CACNA1B: variants seen among roughly 807,000 people sequenced by gnomAD.
CACNA1B encodes calcium voltage-gated channel subunit alpha1 B.
In CACNA1B, 70 loss-of-function variants were observed where a neutral mutation model predicts 247.2. The ratio of observed to expected loss-of-function variants is 0.28; its 90% CI spans 0.23 to 0.35. The LOEUF (loss-of-function observed/expected upper bound fraction) is 0.35. Among genes scored for constraint, CACNA1B ranks in the 10% least tolerant of loss-of-function variants. The pLI, the probability that CACNA1B is intolerant of heterozygous loss-of-function variation, is 1.00. For missense variants in CACNA1B, 2,367 were observed against 3,197.4 expected (o/e 0.74, Z 6.26); for synonymous variants, 1,231 against 1,294.4 (o/e 0.95, Z 1.05).
intron 3 of CACNA1B, among the ~76,000 whole-genome samples, chr9:137,886,330 C>G (rs1426137923): frequency 6.6e-6 from 1 of 152,068 alleles, no homozygotes; most frequent in Non-Finnish European, 1.5e-5. Context: ...TTAAGGACCT[C>G]AGGCCACGGG....
rs28417558 is a variant in CACNA1B at position 137,952,766 on chromosome 9, T to G, written c.1070+389T>G. The stretch of plus-strand genomic sequence containing the variant: ...GTCTGTATTGGGAGGTTGGTCTGGG[T>G]GGATGGGAGGTGTGGTCTGTGATGG... On this transcript the variant is annotated intron_variant, in intron 7 of 46. Transcript: ENST00000371372. This position sits in a 1 kb window ranked among gnomAD's most constrained non-coding sequence, Gnocchi z 4.8. 0.32 allele frequency among the ~76,000 whole-genome samples: 46,352 copies of G among 144,326 alleles called. 9,619 individuals are homozygous for G. The highest frequency in any genetic ancestry group is 0.65 in the East Asian group (3,154 of 4,850). The allele number at this position is 144,326 out of a possible 152,430, so 94.7% of individuals were successfully genotyped here.
At chr9:138,022,754 G>C (rs1390842016) in intron 18 of CACNA1B, among the ~76,000 whole-genome samples, 1 of 151,506 alleles carries the variant, frequency 6.6e-6, no homozygotes, top group African/African-American at 2.4e-5. Context: ...AGCCCCCCAG[G>C]GTCCTCCTGA....
intron 6 of CACNA1B, among the ~76,000 whole-genome samples, chr9:137,918,243 G>C (rs1008912601): frequency 1.3e-5 from 2 of 151,920 alleles, no homozygotes; most frequent in Admixed American, 6.6e-5. Flanking sequence ...GCTCCCTCAC[G>C]TTGCCTCTGC....
At chr9:138,043,731 A>C (rs3750506) in intron 20 of CACNA1B, 43 bp from the exon 21 acceptor site, 37 of 1,611,138 alleles carry the variant, frequency 2.3e-5, no homozygotes, top group Non-Finnish European at 2.8e-5. Context: ...CGTGGGCTTC[A>C]TGTGCACTAC....
intron 23 of CACNA1B, 68 bp from the exon 24 acceptor site, chr9:138,049,141 C>T (rs1959209618): frequency 9.6e-7 from 1 of 1,046,922 alleles, no homozygotes; most frequent in Admixed American, 1.7e-5. Flanking sequence ...AGGCATGAGC[C>T]TCTGCACCTG....
chr9:138,047,345 C>A, intron 22 of CACNA1B, 54 bp from the exon 23 acceptor site: 2 of 1,393,574 alleles, frequency 1.4e-6, no homozygotes, highest in African/African-American at 1.4e-5. Context: ...ACCGAGGGCA[C>A]CCTGGCTCAG....
Position 137,986,428 on chromosome 9 carries a change from G to T in CACNA1B, c.1785G>T (p.Leu595=). Residue 595 remains leucine (L), a synonymous_variant, in exon 14 of 47, where the codon CTG becomes CTT. Coordinates refer to ENST00000371372, the MANE Select transcript of CACNA1B (RefSeq NM_000718.4). The surrounding 1 kb of genome is among the most constrained non-coding windows in gnomAD (Gnocchi z 6.0). ...IFKVTKYWSS[L]RNLVVSLLNS... ...GGCCCCGCAGGTACTGGAGCTCCCTGCGGAACCTGGTGGTGTCCCTGCTGA... is the reference window on the plus strand; with the variant it reads ...GGCCCCGCAGGTACTGGAGCTCCCTTCGGAACCTGGTGGTGTCCCTGCTGA... 6.2e-7 allele frequency: 1 copy of T among 1,613,892 alleles called. No homozygotes were observed. The highest frequency in any genetic ancestry group is 1.1e-5 in the South Asian group (1 of 91,052).
At chr9:138,063,643 C>T (rs1199369791) in intron 31 of CACNA1B, among the ~76,000 whole-genome samples, 1 of 152,226 alleles carries the variant, frequency 6.6e-6, no homozygotes, top group Non-Finnish European at 1.5e-5. Flanking sequence ...ACCAGGTTGG[C>T]ACCTGTGTGC....
chr9:137,961,072 C>G (rs1235763816), intron 10 of CACNA1B, among the ~76,000 whole-genome samples: 6 of 151,970 alleles, frequency 3.9e-5, no homozygotes, highest in Non-Finnish European at 8.8e-5. Flanking sequence ...CTCTCAGCAC[C>G]GTTTATTAAG....
At chr9:138,096,673 G>C in intron 37 of CACNA1B, 62 bp downstream of exon 37, 1 of 1,530,864 alleles carries the variant, frequency 6.5e-7, no homozygotes, top group Non-Finnish European at 8.9e-7. Flanking sequence ...ATCTTGGGAT[G>C]GGCCTGGTGG....
In CACNA1B at chr9:138,121,134, C is replaced by G. The variant is rs889533009; in HGVS notation, c.6489+253C>G. 9.2e-5 allele frequency among the ~76,000 whole-genome samples: 14 copies of G among 152,150 alleles called. No homozygotes were observed. The highest frequency in any genetic ancestry group is 3.4e-4 in the African/African-American group (14 of 41,414). ...TTCTGCGTCCTATCCACTTTCGGAC[C>G]TGGGCCCCCAAATACTTACCTCTCT... On this transcript the variant is annotated intron_variant, in intron 46 of 46. Transcript: ENST00000371372. The surrounding 1 kb of genome is among the most constrained non-coding windows in gnomAD (Gnocchi z 6.8).
intron 20 of CACNA1B, among the ~76,000 whole-genome samples, chr9:138,029,498 A>G (rs945100196): frequency 6.6e-6 from 1 of 151,980 alleles, no homozygotes; most frequent in African/African-American, 2.4e-5. Context: ...AGGTTTTCCC[A>G]CTTACTTACA....
chr9:138,058,422 C>T lies in CACNA1B; in HGVS notation c.4309-147C>T, dbSNP rs1564264685. 4 of 918,726 alleles carry T rather than the reference C, an allele frequency of 4.4e-6. No individual in the cohort carries two copies. Among genetic ancestry groups the T allele is most frequent in the African/African-American group, 1.7e-5 (1 of 60,490 alleles). The allele number at this position is 918,726 out of a possible 1,614,324, so 56.9% of individuals were successfully genotyped here. A position where few individuals can be genotyped will look rare whatever the true frequency, so the allele number is the denominator to read the frequency against. ...AGGGACCGGATTTGGCTGGTTGAGG[C>T]CTGCTTGGAGAAGGTCTGGGCTGCT... On this transcript the variant is annotated intron_variant, in intron 28 of 46. Transcript: ENST00000371372. The surrounding 1 kb of genome is among the most constrained non-coding windows in gnomAD (Gnocchi z 4.7).
intron 15 of CACNA1B, among the ~76,000 whole-genome samples, chr9:138,000,134 TGTC>T (rs1958548754): frequency 1.3e-5 from 2 of 150,932 alleles, no homozygotes; most frequent in South Asian, 4.2e-4. Flanking sequence ...AGTCTCGCTC[TGTC>T]GCCCAGGCTG....
chr9:138,032,818 C>T (rs1210717044), intron 20 of CACNA1B: 1 of 378,230 alleles, frequency 2.6e-6, no homozygotes, highest in East Asian at 8.3e-5. Flanking sequence ...TTTTCCTTGT[C>T]TTTATATTTC....
intron 3 of CACNA1B, among the ~76,000 whole-genome samples, chr9:137,884,700 G>A (rs1455643956): frequency 6.6e-5 from 10 of 151,996 alleles, no homozygotes; most frequent in Non-Finnish European, 8.8e-5. Flanking sequence ...GGGCCAGCGG[G>A]CAGCTGGGTA....
intron 36 of CACNA1B, among the ~76,000 whole-genome samples, chr9:138,083,787 C>G (rs979297353): frequency 6.7e-6 from 1 of 150,148 alleles, no homozygotes; most frequent in African/African-American, 2.5e-5. Context: ...GAGTGGAGTT[C>G]CCTGCCTCCC....
chr9:137,942,019 G>C (rs754923371), intron 6 of CACNA1B, among the ~76,000 whole-genome samples: 46 of 152,166 alleles, frequency 3.0e-4, no homozygotes, highest in Non-Finnish European at 3.1e-4. Flanking sequence ...CACAGCAAAA[G>C]AAACAGTCGG....
chr9:137,930,876 G>T (rs1589014636), intron 6 of CACNA1B, among the ~76,000 whole-genome samples: 1 of 151,460 alleles, frequency 6.6e-6, no homozygotes, highest in Admixed American at 6.6e-5. Context: ...TTACTGGGAG[G>T]TTTGCTTTAT....
Sources: gnomAD v4.1 joint callset for allele counts (sites outside exome capture counted in the v4.1 genomes callset) on GRCh38, gnomAD v4.1.1 for gene constraint, Gnocchi (gnomAD v3.1) non-coding constraint, MANE v1.5 for transcripts, NCBI Gene and HGNC (gene_info 2026-07-23, HGNC 2026-07-21) for gene names.